The following C8orf89 variants were observed in gnomAD, a reference collection of about 807,000 sequenced individuals.
The protein encoded by C8orf89 is putative uncharacterized protein C8orf89.
C8orf89 carries 14 observed loss-of-function variants against 15.8 expected under a neutral mutation model. The ratio of observed to expected loss-of-function variants is 0.89; its 90% CI spans 0.59 to 1.39. C8orf89 has a LOEUF of 1.39. Ranked by LOEUF, C8orf89 falls within the 40% of genes most tolerant of loss-of-function variation. The probability of loss-of-function intolerance (pLI) is 0.00; values close to 1 mark genes in which losing one functional copy is unlikely to be tolerated. For missense variants in C8orf89, 181 were observed against 184.5 expected, an observed-to-expected ratio of 0.98 and a Z score of 0.11; for synonymous variants, 55 against 62.2, an observed-to-expected ratio of 0.88 and a Z score of 0.54.
the C8orf89 span, among the ~76,000 whole-genome samples, chr8:73,279,068 G>A: frequency 1.3e-5 from 2 of 151,980 alleles, no homozygotes; most frequent in Non-Finnish European, 2.9e-5. Context: ...TCTTGTTCTT[G>A]TCTTATGGTT....
chr8:73,284,489 A>G, the C8orf89 span, among the ~76,000 whole-genome samples: 6 of 152,132 alleles, frequency 3.9e-5, no homozygotes. Context: ...CTGGGATTAC[A>G]GGCGTGTGCC....
chr8:73,256,726 CA>C (rs11288188), intron 2 of C8orf89, among the ~76,000 whole-genome samples: 5,077 of 43,560 alleles, frequency 0.12, 60 homozygotes, highest in African/African-American at 0.25. Flanking sequence ...GACTCTGTCT[CA>C]AAAAAAAAAA....
chr8:73,245,758 A>C (rs1372373979), intron 3 of C8orf89, among the ~76,000 whole-genome samples: 1 of 152,194 alleles, frequency 6.6e-6, no homozygotes, highest in Non-Finnish European at 1.5e-5. Flanking sequence ...AGAAAATATA[A>C]CTTACCAAAA....
chr8:73,279,097 T>C, the C8orf89 span, among the ~76,000 whole-genome samples: 2 of 152,326 alleles, frequency 1.3e-5, no homozygotes, highest in Admixed American at 1.3e-4. Context: ...TTCACCTTCT[T>C]GAATATGAAA....
chr8:73,256,726 C>CAAAAAAAAAAAAAA (rs11288188), intron 2 of C8orf89, among the ~76,000 whole-genome samples: 2 of 43,704 alleles, frequency 4.6e-5, no homozygotes, highest in African/African-American at 1.6e-4. Context: ...GACTCTGTCT[C>CAAAAAAAAAAAAAA]AAAAAAAAAA....
upstream of C8orf89, among the ~76,000 whole-genome samples, chr8:73,261,356 G>A (rs1159655404): frequency 6.6e-6 from 1 of 152,104 alleles, no homozygotes; most frequent in Non-Finnish European, 1.5e-5. Flanking sequence ...ACACCAGCAG[G>A]GAGGGAAGGG....
the C8orf89 span, among the ~76,000 whole-genome samples, chr8:73,275,632 T>C: frequency 1.3e-5 from 2 of 152,222 alleles, no homozygotes; most frequent in Non-Finnish European, 2.9e-5. Context: ...CACTTAGGTT[T>C]CCTCTTCTGT....
At chr8:73,266,300 C>T in the C8orf89 span, among the ~76,000 whole-genome samples, 1 of 152,174 alleles carries the variant, frequency 6.6e-6, no homozygotes, top group Admixed American at 6.5e-5. Flanking sequence ...CTTATGGTCC[C>T]TCACAGAACT....
At chr8:73,269,250 G>A in the C8orf89 span, among the ~76,000 whole-genome samples, 1 of 152,090 alleles carries the variant, frequency 6.6e-6, no homozygotes, top group African/African-American at 2.4e-5. Flanking sequence ...ATAATACAGG[G>A]AATACTTAAT....
intron 2 of C8orf89, among the ~76,000 whole-genome samples, chr8:73,255,442 T>C (rs1244233687): frequency 7.9e-5 from 12 of 152,062 alleles, no homozygotes; most frequent in South Asian, 4.1e-4. Flanking sequence ...CCAGTTAGAA[T>C]GGCAATCATT....
At chr8:73,274,270 G>A in the C8orf89 span, among the ~76,000 whole-genome samples, 1 of 152,008 alleles carries the variant, frequency 6.6e-6, no homozygotes, top group Admixed American at 6.6e-5. Flanking sequence ...TCTCCTGACA[G>A]CCTCCCGAGT....
chr8:73,280,690 T>C, the C8orf89 span, among the ~76,000 whole-genome samples: 1 of 151,612 alleles, frequency 6.6e-6, no homozygotes, highest in African/African-American at 2.4e-5. Flanking sequence ...TTATTTTATA[T>C]ATACACATAC....
intron 3 of C8orf89, 77 bp from the exon 4 acceptor site, chr8:73,241,682 A>C (rs1267312920): frequency 3.1e-5 from 36 of 1,177,190 alleles, no homozygotes; most frequent in Non-Finnish European, 3.9e-5. Context: ...ATATAATGTG[A>C]CTGAAATATT....
At chr8:73,275,734 T>G in the C8orf89 span, among the ~76,000 whole-genome samples, 1 of 152,206 alleles carries the variant, frequency 6.6e-6, no homozygotes, top group Non-Finnish European at 1.5e-5. Flanking sequence ...TACTAATTCT[T>G]TATATGTTAT....
chr8:73,253,343 G>A (rs1192998755), intron 2 of C8orf89, among the ~76,000 whole-genome samples: 1 of 152,186 alleles, frequency 6.6e-6, no homozygotes, highest in Non-Finnish European at 1.5e-5. Flanking sequence ...CTGTAGCCTT[G>A]TAGTATAGTT....
the C8orf89 span, among the ~76,000 whole-genome samples, chr8:73,272,513 A>G: frequency 2.2e-4 from 34 of 152,042 alleles, 2 homozygotes; most frequent in South Asian, 8.3e-4. Context: ...GTGCAGGTTT[A>G]TTATATATGT....
chr8:73,256,654 G>A (rs2980564), intron 2 of C8orf89, among the ~76,000 whole-genome samples: 8,520 of 150,364 alleles, frequency 0.057, 325 homozygotes, highest in East Asian at 0.13. Flanking sequence ...CTGGAATCCG[G>A]GAGGCGGAGG....
chr8:73,271,823 C>T, the C8orf89 span, among the ~76,000 whole-genome samples: 23 of 152,170 alleles, frequency 1.5e-4, no homozygotes, highest in Admixed American at 3.3e-4. Context: ...GAAACCACTC[C>T]CATGATTCAA....
upstream of C8orf89, chr8:73,259,606 C>T: frequency 2.2e-6 from 1 of 465,056 alleles, no homozygotes; most frequent in Non-Finnish European, 3.5e-6. Flanking sequence ...TTAATGAATT[C>T]TTTCAAATTC....
Sources: allele counts gnomAD v4.1 joint callset (sites outside exome capture counted in the v4.1 genomes callset), GRCh38; gene constraint gnomAD v4.1.1; transcripts MANE v1.5; gene names NCBI Gene and HGNC (gene_info 2026-07-23, HGNC 2026-07-21).